Variants in COBLL1 observed in about 807,000 individuals in gnomAD.
COBLL1 encodes cordon-bleu protein-like 1.
Under a neutral mutation model 94.8 loss-of-function variants are expected in COBLL1, and 50 were observed. The ratio of observed to expected loss-of-function variants is 0.53; its 90% CI spans 0.42 to 0.67. The LOEUF is 0.67. Ranked by LOEUF, COBLL1 falls within the 30% of genes least tolerant of loss-of-function variation. The pLI is 0.00. For missense variants in COBLL1, 1,362 were observed against 1,348.7 expected, an observed-to-expected ratio of 1.01 and a Z score of -0.15; for synonymous variants, 448 against 473.8, an observed-to-expected ratio of 0.95 and a Z score of 0.71.
chr2:164,672,878 G>A (rs192481819), intron 1 of COBLL1, among the ~76,000 whole-genome samples: 1 of 152,180 alleles, frequency 6.6e-6, no homozygotes, highest in African/African-American at 2.4e-5. Context: ...ACTTGGATAA[G>A]GTCTCCTAGT....
chr2:164,821,499 G>A (rs1032207725), intron 2 of COBLL1, among the ~76,000 whole-genome samples: 1 of 152,016 alleles, frequency 6.6e-6, no homozygotes, highest in South Asian at 2.1e-4. Context: ...AGCATAGTGA[G>A]TGTTCCCAGT....
At chr2:164,692,977 A>C (rs1441869479) in intron 12 of COBLL1, among the ~76,000 whole-genome samples, 1 of 152,152 alleles carries the variant, frequency 6.6e-6, no homozygotes, top group Non-Finnish European at 1.5e-5. Flanking sequence ...GAATCAATAT[A>C]AAAAATTAGG....
In COBLL1 at chr2:164,680,622, A is replaced by T. The variant is rs1682993389; in HGVS notation, c.*5324T>A. The T allele has an allele frequency of 6.6e-6, 1 of 152,146 alleles. No individual in the cohort carries two copies. The highest frequency in any genetic ancestry group is 6.6e-5 in the Admixed American group (1 of 15,260). The allele number at this position is 152,146 out of a possible 1,614,324, so 9.4% of individuals were successfully genotyped here. A position where few individuals can be genotyped will look rare whatever the true frequency, so the allele number is the denominator to read the frequency against. Reference sequence around the variant, plus strand: ...GCTTCTTCCTTCTTTGTACACTTTCAGGTTTTCAATGAAATAGCACAGTTG... The same window carrying T: ...GCTTCTTCCTTCTTTGTACACTTTCTGGTTTTCAATGAAATAGCACAGTTG... On this transcript the variant is annotated 3_prime_UTR_variant, in exon 14 of 14. Coordinates refer to ENST00000652658, the MANE Select transcript of COBLL1 (RefSeq NM_001365672.2).
chr2:164,837,969 C>T lies in COBLL1; in HGVS notation c.41+3187G>A, dbSNP rs911315351. 5.9e-5 allele frequency among the ~76,000 whole-genome samples: 9 copies of T among 152,136 alleles called. No homozygotes were observed. The East Asian group carries it at 1.5e-3, about 26-fold the overall frequency. ...GGCTGAGGTGGGAGGATCACTTGGGCCCAAGAGGTCAAGGTCAGCCTGGGC... is the reference window on the plus strand; with the variant it reads ...GGCTGAGGTGGGAGGATCACTTGGGTCCAAGAGGTCAAGGTCAGCCTGGGC... On this transcript the variant is annotated intron_variant, in intron 2 of 13. Transcript: ENST00000652658.
Position 164,694,386 on chromosome 2 carries a change from C to T in COBLL1, c.3006G>A (p.Glu1002=). The T allele has an allele frequency of 6.2e-7, 1 of 1,613,972 alleles. No individual in the cohort carries two copies. The highest frequency in any genetic ancestry group is 8.5e-7 in the Non-Finnish European group (1 of 1,179,940). Residue 1002 remains glutamate (E), a synonymous_variant, in exon 12 of 14, where the codon GAG becomes GAA. Coordinates refer to ENST00000652658, the MANE Select transcript of COBLL1 (RefSeq NM_001365672.2). The part of the protein sequence containing the change: ...VVKRSQSFSK[E]RTESPSASAL... ...CACTGGCACTAGGTGACTCGGTGCGCTCTTTACTGAAAGACTGTGACCTTT... is the reference window on the plus strand; with the variant it reads ...CACTGGCACTAGGTGACTCGGTGCGTTCTTTACTGAAAGACTGTGACCTTT...
At chr2:164,734,962 A>G (rs1414199992) in intron 3 of COBLL1, among the ~76,000 whole-genome samples, 1 of 152,170 alleles carries the variant, frequency 6.6e-6, no homozygotes, top group Non-Finnish European at 1.5e-5. Context: ...GACCCCAAGA[A>G]CGTAAAACTC....
chr2:164,746,590 A>G (rs916620839), intron 2 of COBLL1, among the ~76,000 whole-genome samples: 5 of 152,110 alleles, frequency 3.3e-5, no homozygotes, highest in Admixed American at 3.3e-4. Context: ...CCATCACAGA[A>G]TCAGAAAATC....
intron 2 of COBLL1, among the ~76,000 whole-genome samples, chr2:164,817,094 C>T (rs1684792394): frequency 6.6e-6 from 1 of 152,134 alleles, no homozygotes. Context: ...CAGTGGGGAA[C>T]ACTGTAGAAT....
chr2:164,722,367 A>G, intron 6 of COBLL1, 56 bp from the exon 7 acceptor site: 1 of 1,512,972 alleles, frequency 6.6e-7, no homozygotes, highest in Admixed American at 2.0e-5. Flanking sequence ...AGTAAAAAGC[A>G]TTAGTAATTA....
At chr2:164,708,560 A>G (rs1231552151) in intron 7 of COBLL1, among the ~76,000 whole-genome samples, 1 of 152,202 alleles carries the variant, frequency 6.6e-6, no homozygotes. Context: ...AGAGTAACAC[A>G]TTTAGGAAAC....
Position 164,685,913 on chromosome 2 carries a change from G to C in COBLL1, c.*33C>G. ...ATTAGTATGAAGTTGGTCTGAAGTG[G>C]AAGTGAAGTGCAGTGGTGTGGCAGG... On this transcript the variant is annotated 3_prime_UTR_variant, in exon 14 of 14. Coordinates refer to ENST00000652658, the MANE Select transcript of COBLL1 (RefSeq NM_001365672.2). 7.5e-7 allele frequency: 1 copy of C among 1,335,922 alleles called. No individual in the cohort carries two copies. Among genetic ancestry groups the C allele is most frequent in the Non-Finnish European group, 1.1e-6 (1 of 935,158 alleles). 82.8% of individuals were successfully genotyped at this position (1,335,922 alleles called of 1,614,324 possible).
chr2:164,728,130 G>A lies in COBLL1; in HGVS notation c.500C>T (p.Ala167Val). The change falls in exon 5 of 14, where the codon GCA becomes GTA. Residue 167 changes from alanine (A) to valine (V), a missense_variant. Physicochemically the swap from Ala to Val is moderately conservative, Grantham distance 64. Transcript: ENST00000652658. Reference sequence around the variant, plus strand: ...AATAGGGGCAAGCTCTTGAAGCGATGCATGTGGACTCACTCTCACTATGGT... The same window carrying A: ...AATAGGGGCAAGCTCTTGAAGCGATACATGTGGACTCACTCTCACTATGGT... Reference protein sequence around the residue: ...QKTIVRVSPHASLQELAPIIC... With the variant: ...QKTIVRVSPHVSLQELAPIIC... 1 of 1,613,714 alleles carries A rather than the reference G, an allele frequency of 6.2e-7. No individual in the cohort carries two copies. Among genetic ancestry groups the A allele is most frequent in the Non-Finnish European group, 8.5e-7 (1 of 1,179,662 alleles).
intron 2 of COBLL1, among the ~76,000 whole-genome samples, chr2:164,661,242 A>C (rs1244485027): frequency 6.6e-6 from 1 of 152,068 alleles, no homozygotes; most frequent in African/African-American, 2.4e-5. Flanking sequence ...TTAAGAAATA[A>C]ATACTGTGAG....
intron 2 of COBLL1, among the ~76,000 whole-genome samples, chr2:164,812,774 T>C (rs953006973): frequency 3.3e-5 from 5 of 152,124 alleles, no homozygotes; most frequent in Admixed American, 3.3e-4. Flanking sequence ...GTATTAAAAA[T>C]TATAACCCTG....
intron 2 of COBLL1, among the ~76,000 whole-genome samples, chr2:164,833,520 G>C (rs1320230375): frequency 6.8e-6 from 1 of 147,554 alleles, no homozygotes; most frequent in Non-Finnish European, 1.5e-5. Context: ...GCGTTATCCC[G>C]GCTCACTGCA....
At chr2:164,839,066 G>A (rs572618926) in intron 2 of COBLL1, among the ~76,000 whole-genome samples, 1 of 152,278 alleles carries the variant, frequency 6.6e-6, no homozygotes, top group South Asian at 2.1e-4. Flanking sequence ...AAATGAAGTA[G>A]AGAGGTAATT....
intron 1 of COBLL1, among the ~76,000 whole-genome samples, chr2:164,671,573 T>C (rs1258112803): frequency 6.6e-6 from 1 of 152,204 alleles, no homozygotes; most frequent in Non-Finnish European, 1.5e-5. Flanking sequence ...AAGGCTCTCA[T>C]CATCTTTGAC....
chr2:164,681,392 G>T lies in COBLL1; in HGVS notation c.*4554C>A, dbSNP rs994404046. 5.9e-5 allele frequency: 9 copies of T among 152,112 alleles called. No individual in the cohort carries two copies. The highest frequency in any genetic ancestry group is 2.0e-4 in the Admixed American group (3 of 15,256). 9.4% of individuals were successfully genotyped at this position (152,112 alleles called of 1,614,324 possible). A position where few individuals can be genotyped will look rare whatever the true frequency, so the allele number is the denominator to read the frequency against. ...ATTTCAAATACAGTGAAAGCAAGCA[G>T]AAACACATGAACCTTTGAGGGCTGG... On this transcript the variant is annotated 3_prime_UTR_variant, in exon 14 of 14. Coordinates refer to ENST00000652658, the MANE Select transcript of COBLL1 (RefSeq NM_001365672.2).
intron 2 of COBLL1, chr2:164,800,609 C>A: frequency 1.4e-6 from 1 of 698,362 alleles, no homozygotes; most frequent in East Asian, 2.7e-5. Flanking sequence ...AAATACTGTA[C>A]TTGAATGTTC....
Sources: allele counts gnomAD v4.1 joint callset (sites outside exome capture counted in the v4.1 genomes callset), GRCh38; gene constraint gnomAD v4.1.1; transcripts MANE v1.5; gene names NCBI Gene and HGNC (gene_info 2026-07-23, HGNC 2026-07-21).